UBAC2: variants seen among roughly 807,000 people sequenced by gnomAD.
The protein encoded by UBAC2 is UBA domain containing 2, also known as ubiquitin-associated domain-containing protein 2.
UBAC2 carries 26 observed loss-of-function variants against 44.0 expected under a neutral mutation model. The observed-to-expected ratio is 0.59, with a 90% confidence interval of 0.43 to 0.82. The LOEUF (loss-of-function observed/expected upper bound fraction) is 0.82. Ranked by LOEUF, UBAC2 falls within the 40% of genes least tolerant of loss-of-function variation. UBAC2 has a pLI of 0.00. For synonymous variants in UBAC2, 155 were observed against 154.3 expected, an observed-to-expected ratio of 1.00 and a Z score of -0.04; for missense variants, 329 against 419.4, an observed-to-expected ratio of 0.78 and a Z score of 1.88.
At chr13:99,379,552 A>G (rs1253036218) in intron 8 of UBAC2, among the ~76,000 whole-genome samples, 4 of 152,206 alleles carry the variant, frequency 2.6e-5, no homozygotes, top group Non-Finnish European at 5.9e-5. Context: ...CCTGACCCAC[A>G]TAGCATTAAG....
chr13:99,213,781 A>G (rs2042961051), intron 1 of UBAC2, among the ~76,000 whole-genome samples: 4 of 152,336 alleles, frequency 2.6e-5, no homozygotes, highest in East Asian at 1.9e-4. Context: ...TAAAGAAATA[A>G]TCATAAATGT....
chr13:99,340,257 G>A (rs2044863798), intron 6 of UBAC2, 63 bp from the exon 7 acceptor site: 1 of 1,573,710 alleles, frequency 6.4e-7, no homozygotes. Context: ...TGATTTTTGA[G>A]TCGTGTACAT....
intron 6 of UBAC2, among the ~76,000 whole-genome samples, chr13:99,321,364 A>G (rs1418488150): frequency 6.6e-6 from 1 of 152,138 alleles, no homozygotes; most frequent in Non-Finnish European, 1.5e-5. Flanking sequence ...GCTGGAGTGT[A>G]GTGGCATGAT....
At chr13:99,339,537 AATTTT>A (rs1260914019) in intron 6 of UBAC2, among the ~76,000 whole-genome samples, 3 of 152,164 alleles carry the variant, frequency 2.0e-5, no homozygotes, top group Non-Finnish European at 4.4e-5. Flanking sequence ...CATCAATTTA[AATTTT>A]ATTTTTAAAC....
chr13:99,215,591 T>C, intron 1 of UBAC2: 2 of 1,349,098 alleles, frequency 1.5e-6, no homozygotes, highest in Admixed American at 1.7e-5. Context: ...CCAGGATGGC[T>C]GCGCTGTACA....
At chr13:99,322,771 G>C (rs942826480) in intron 6 of UBAC2, among the ~76,000 whole-genome samples, 3 of 152,164 alleles carry the variant, frequency 2.0e-5, no homozygotes, top group Non-Finnish European at 1.5e-5. Context: ...GATCTTTAAA[G>C]CACTTCAAGA....
chr13:99,264,311 A>G (rs1175757151), intron 4 of UBAC2, among the ~76,000 whole-genome samples: 1 of 152,180 alleles, frequency 6.6e-6, no homozygotes, highest in Non-Finnish European at 1.5e-5. Flanking sequence ...GCCTTTGCAT[A>G]GAGTTTGGAC....
chr13:99,243,198 T>A (rs1311699185), intron 2 of UBAC2, among the ~76,000 whole-genome samples: 1 of 151,900 alleles, frequency 6.6e-6, no homozygotes, highest in Non-Finnish European at 1.5e-5. Flanking sequence ...CTGAAAAATG[T>A]TTAAGCAGAC....
intron 1 of UBAC2, among the ~76,000 whole-genome samples, chr13:99,231,069 A>G (rs991857290): frequency 6.6e-6 from 1 of 152,104 alleles, no homozygotes; most frequent in Non-Finnish European, 1.5e-5. Flanking sequence ...GACTCTTGTG[A>G]TTGCATAGAA....
At chr13:99,203,027 A>T (rs1422240225) in intron 1 of UBAC2, among the ~76,000 whole-genome samples, 3 of 76,114 alleles carry the variant, frequency 3.9e-5, no homozygotes, top group South Asian at 3.3e-4. Flanking sequence ...GTTTTATTTT[A>T]TTTATTTATT....
At chr13:99,273,451 C>T (rs1458849340) in intron 4 of UBAC2, among the ~76,000 whole-genome samples, 1 of 152,108 alleles carries the variant, frequency 6.6e-6, no homozygotes, top group African/African-American at 2.4e-5. Context: ...TTTTTAAACT[C>T]TCAGAAATTA....
At chr13:99,271,272 GA>G (rs901942576) in intron 4 of UBAC2, among the ~76,000 whole-genome samples, 1 of 152,194 alleles carries the variant, frequency 6.6e-6, no homozygotes, top group Admixed American at 6.5e-5. Context: ...AAAAGCTTCA[GA>G]AATCAGGTAA....
At chr13:99,282,542 G>A (rs2043967331) in intron 4 of UBAC2, among the ~76,000 whole-genome samples, 3 of 152,096 alleles carry the variant, frequency 2.0e-5, no homozygotes, top group Non-Finnish European at 4.4e-5. Flanking sequence ...AAAATTTCCA[G>A]TCTAATAGGA....
chr13:99,239,181 C>T (rs1329864471), intron 2 of UBAC2, among the ~76,000 whole-genome samples: 1 of 152,234 alleles, frequency 6.6e-6, no homozygotes, highest in Non-Finnish European at 1.5e-5. Flanking sequence ...TAATCCATTT[C>T]TTGAACACTG....
At chr13:99,374,335 C>T (rs1397616253) in intron 8 of UBAC2, among the ~76,000 whole-genome samples, 4 of 152,030 alleles carry the variant, frequency 2.6e-5, no homozygotes, top group Non-Finnish European at 5.9e-5. Context: ...TGTCTGCTTC[C>T]TTAAAGTTTC....
At chr13:99,363,231 A>G (rs2045288831) in intron 7 of UBAC2, among the ~76,000 whole-genome samples, 3 of 152,136 alleles carry the variant, frequency 2.0e-5, no homozygotes, top group South Asian at 2.1e-4. Flanking sequence ...ACATGACTTT[A>G]ATTACTGCAG....
intron 4 of UBAC2, chr13:99,294,923 G>T: frequency 1.1e-6 from 1 of 883,942 alleles, no homozygotes; most frequent in Non-Finnish European, 1.7e-6. Flanking sequence ...CTTCCGAGTT[G>T]GAGATGGGAA....
At chr13:99,276,353 A>C (rs1198236971) in intron 4 of UBAC2, among the ~76,000 whole-genome samples, 2 of 152,210 alleles carry the variant, frequency 1.3e-5, no homozygotes, top group African/African-American at 4.8e-5. Context: ...CCCGCTGTAA[A>C]TTGGGGGTTC....
intron 4 of UBAC2, among the ~76,000 whole-genome samples, chr13:99,276,966 CCTG>C (rs535618648): frequency 4.4e-4 from 67 of 152,242 alleles, no homozygotes; most frequent in African/African-American, 1.6e-3. Context: ...AAGCCCTGGC[CCTG>C]CAACCTTTGG....
Sources: gnomAD v4.1 joint callset for allele counts (sites outside exome capture counted in the v4.1 genomes callset) on GRCh38, gnomAD v4.1.1 for gene constraint, MANE v1.5 for transcripts, NCBI Gene and HGNC (gene_info 2026-07-23, HGNC 2026-07-21) for gene names.